The following DCC variants were observed in gnomAD, a reference collection of about 807,000 sequenced individuals.
DCC encodes the protein DCC netrin 1 receptor, also known as netrin receptor DCC.
In DCC, 58 loss-of-function variants were observed where a neutral mutation model predicts 172.5. The observed-to-expected ratio is 0.34, with a 90% CI of 0.27 to 0.42. The LOEUF (loss-of-function observed/expected upper bound fraction) is 0.42, where lower values mean the gene tolerates loss of function less well. Among genes scored for constraint, DCC ranks in the 10% least tolerant of loss-of-function variants. The probability of loss-of-function intolerance (pLI) is 1.00; values close to 1 mark genes in which losing one functional copy is unlikely to be tolerated. For missense variants in DCC, 1,740 were observed against 1,791.0 expected, an observed-to-expected ratio of 0.97 and a Z score of 0.51; for synonymous variants, 709 against 644.5, an observed-to-expected ratio of 1.10 and a Z score of -1.52.
rs541010313 is a variant in DCC, at chr18:52,530,260, C to G, written c.91+189382C>G. ...ACACACACACGCACACACACAAACACACACGAGCTGAGGCATTTTTTGGAT... is the reference window on the plus strand; with the variant it reads ...ACACACACACGCACACACACAAACAGACACGAGCTGAGGCATTTTTTGGAT... On this transcript the variant is annotated intron_variant, in intron 1 of 28. Transcript: ENST00000442544. Among the ~76,000 whole-genome samples, 16 of 152,278 alleles carry G rather than the reference C, an allele frequency of 1.1e-4. No individual in the cohort carries two copies. The East Asian group carries it at 2.9e-3, about 28-fold the overall frequency.
intron 2 of DCC, among the ~76,000 whole-genome samples, chr18:52,850,696 A>G (rs1374683365): frequency 2.0e-5 from 3 of 152,098 alleles, no homozygotes; most frequent in Non-Finnish European, 4.4e-5. Context: ...ACCCCCCAGT[A>G]ATTTTTATAA....
intron 1 of DCC, among the ~76,000 whole-genome samples, chr18:52,433,342 T>C (rs1987686347): frequency 6.6e-6 from 1 of 152,200 alleles, no homozygotes; most frequent in African/African-American, 2.4e-5. Flanking sequence ...TTCGTTCATT[T>C]GAATATCATT....
chr18:52,764,954 C>T (rs1326498741), intron 2 of DCC, among the ~76,000 whole-genome samples: 1 of 152,126 alleles, frequency 6.6e-6, no homozygotes, highest in African/African-American at 2.4e-5. Context: ...AGAATGAGAA[C>T]TCTTTCTGGT....
intron 19 of DCC, among the ~76,000 whole-genome samples, chr18:53,404,962 A>G (rs896039816): frequency 6.6e-6 from 1 of 152,084 alleles, no homozygotes; most frequent in Non-Finnish European, 1.5e-5. Context: ...CTTATTTATG[A>G]AAACAAAATT....
intron 3 of DCC, among the ~76,000 whole-genome samples, chr18:52,907,772 T>G (rs906125759): frequency 6.6e-6 from 1 of 152,118 alleles, no homozygotes; most frequent in Non-Finnish European, 1.5e-5. Flanking sequence ...AGAAGCACTG[T>G]GCTAAGTACT....
intron 1 of DCC, among the ~76,000 whole-genome samples, chr18:52,493,121 A>T (rs1480165117): frequency 6.6e-6 from 1 of 152,124 alleles, no homozygotes; most frequent in Non-Finnish European, 1.5e-5. Flanking sequence ...TATGACTTCC[A>T]GCAAATGGCT....
At chr18:53,280,802 A>G (rs2144727507) in intron 12 of DCC, among the ~76,000 whole-genome samples, 1 of 152,264 alleles carries the variant, frequency 6.6e-6, no homozygotes, top group South Asian at 2.1e-4. Flanking sequence ...AAAAGGTTGG[A>G]CTAGATGAGG....
At chr18:53,360,648 A>C (rs2057935515) in intron 15 of DCC, among the ~76,000 whole-genome samples, 1 of 152,196 alleles carries the variant, frequency 6.6e-6, no homozygotes, top group Admixed American at 6.5e-5. Flanking sequence ...ATAAATGAGA[A>C]GTGCAAACAG....
chr18:52,456,983 GTTTGT>G (rs1988477841), intron 1 of DCC, among the ~76,000 whole-genome samples: 1 of 151,702 alleles, frequency 6.6e-6, no homozygotes, highest in Non-Finnish European at 1.5e-5. Context: ...TTCCACTCTG[GTTTGT>G]ATTGAAGTGA....
intron 7 of DCC, among the ~76,000 whole-genome samples, chr18:53,150,976 G>T (rs1458496258): frequency 3.9e-5 from 6 of 152,176 alleles, no homozygotes; most frequent in African/African-American, 1.4e-4. Context: ...AATGTTGGAG[G>T]TGGCAGCAAA....
At chr18:52,474,089 G>T (rs1989021082) in intron 1 of DCC, among the ~76,000 whole-genome samples, 1 of 152,052 alleles carries the variant, frequency 6.6e-6, no homozygotes, top group Non-Finnish European at 1.5e-5. Flanking sequence ...AGGTTTTTAA[G>T]GATAAATCAT....
At chr18:53,373,196 A>T (rs1192174341) in intron 15 of DCC, among the ~76,000 whole-genome samples, 1 of 152,062 alleles carries the variant, frequency 6.6e-6, no homozygotes, top group East Asian at 1.9e-4. Flanking sequence ...AATTGAATGT[A>T]TTTTTCTGGG....
At chr18:52,706,293 T>C (rs1407952354) in intron 1 of DCC, among the ~76,000 whole-genome samples, 1 of 152,236 alleles carries the variant, frequency 6.6e-6, no homozygotes, top group Non-Finnish European at 1.5e-5. Context: ...CTATAGCACT[T>C]AGATAACAGC....
At chr18:53,460,769 G>A (rs1309257918) in intron 24 of DCC, among the ~76,000 whole-genome samples, 6 of 152,142 alleles carry the variant, frequency 3.9e-5, no homozygotes, top group Admixed American at 1.3e-4. Flanking sequence ...ATAGCAGCAC[G>A]ATTTATAGTC....
At chr18:52,781,441 T>C (rs1370790972) in intron 2 of DCC, among the ~76,000 whole-genome samples, 2 of 152,004 alleles carry the variant, frequency 1.3e-5, no homozygotes, top group Non-Finnish European at 2.9e-5. Context: ...TCATAGACAG[T>C]TGAATTTTAT....
chr18:52,862,122 TAA>T (rs146389927), intron 2 of DCC, among the ~76,000 whole-genome samples: 3,230 of 152,208 alleles, frequency 0.021, 96 homozygotes, highest in African/African-American at 0.07. Flanking sequence ...ATAACTTGAA[TAA>T]AGTTAACTCC....
intron 2 of DCC, among the ~76,000 whole-genome samples, chr18:52,793,784 T>A (rs1024127437): frequency 1.3e-5 from 2 of 152,238 alleles, no homozygotes; most frequent in African/African-American, 4.8e-5. Flanking sequence ...TATGTTTAAC[T>A]CTTTAACCAT....
intron 10 of DCC, among the ~76,000 whole-genome samples, chr18:53,205,675 T>C (rs2055613937): frequency 6.6e-6 from 1 of 152,218 alleles, no homozygotes; most frequent in African/African-American, 2.4e-5. Context: ...CACCTGGTCG[T>C]GGAAGGCATT....
At chr18:53,147,198 T>G (rs888710978) in intron 7 of DCC, among the ~76,000 whole-genome samples, 5 of 152,156 alleles carry the variant, frequency 3.3e-5, no homozygotes, top group Admixed American at 6.5e-5. Context: ...CTGCAGTACA[T>G]TAAGAAAGAA....
Sources: allele counts gnomAD v4.1 joint callset (sites outside exome capture counted in the v4.1 genomes callset), GRCh38; gene constraint gnomAD v4.1.1; transcripts MANE v1.5; gene names NCBI Gene and HGNC (gene_info 2026-07-23, HGNC 2026-07-21).